The following ALG11 variants were observed in gnomAD, a reference collection of about 807,000 sequenced individuals.
ALG11 encodes ALG11 alpha-1,2-mannosyltransferase, also known as GDP-Man:Man(3)GlcNAc(2)-PP-Dol alpha-1,2-mannosyltransferase.
ALG11 carries 26 observed loss-of-function variants against 38.8 expected under a neutral mutation model. That is an observed-to-expected ratio of 0.67 (90% CI 0.49 to 0.93). The LOEUF is 0.93. Ranked by LOEUF, ALG11 falls within the 40% of genes least tolerant of loss-of-function variation. The probability of loss-of-function intolerance (pLI) is 0.00; values close to 1 mark genes in which losing one functional copy is unlikely to be tolerated. For synonymous variants in ALG11, 199 were observed against 211.6 expected, an observed-to-expected ratio of 0.94 and a Z score of 0.52; for missense variants, 535 against 578.8, an observed-to-expected ratio of 0.92 and a Z score of 0.78.
In ALG11 at chr13:52,028,882, C is replaced by T. The variant is rs769271364; in HGVS notation, c.*292C>T. 53 of 1,614,074 alleles carry T rather than the reference C, an allele frequency of 3.3e-5. No individual in the cohort carries two copies. The highest frequency in any genetic ancestry group is 4.5e-5 in the Non-Finnish European group (53 of 1,180,044). ...TAGTGGATTTGCCAAAAAACTACCC[C>T]TTGAGTGAAAATGAAGATGAGGGGG... On this transcript the variant is annotated 3_prime_UTR_variant, in exon 4 of 4. Transcript: ENST00000521508.
intron 1 of ALG11, among the ~76,000 whole-genome samples, chr13:52,013,816 C>T (rs912066552): frequency 6.6e-6 from 1 of 152,208 alleles, no homozygotes; most frequent in African/African-American, 2.4e-5. Flanking sequence ...CTCCATGGAC[C>T]ATGCAGGTCC....
rs1593899812 is a variant in ALG11, at chr13:52,018,957, C to T, written c.89C>T (p.Thr30Ile). The part of the protein sequence containing the change: ...LFFPGLIVCG[T>I]LCVCLVIVLW... ...TTCCCTGGGCTCATTGTATGTGGAA[C>T]TTTATGTGTGTGTTTGGTCATTGTC... The change falls in exon 2 of 4, where the codon ACT becomes ATT. Residue 30 changes from threonine to isoleucine, a missense_variant. By Grantham distance (89) the Thr-to-Ile change is moderately conservative. Coordinates refer to ENST00000521508, the MANE Select transcript of ALG11 (RefSeq NM_001004127.3). The T allele has an allele frequency of 6.2e-7, 1 of 1,613,696 alleles. No individual in the cohort carries two copies. The highest frequency in any genetic ancestry group is 8.5e-7 in the Non-Finnish European group (1 of 1,179,952).
chr13:52,012,408 G>C lies in ALG11; in HGVS notation c.-11G>C, dbSNP rs766313148. On this transcript the variant is annotated 5_prime_UTR_variant, in exon 1 of 4. Coordinates refer to ENST00000521508, the MANE Select transcript of ALG11 (RefSeq NM_001004127.3). ...AGTGAAGCGTTTCCTGAGTTCGGGG[G>C]TCGGCGGAAGATGGCGGCCGGCGAA... 6.2e-7 allele frequency: 1 copy of C among 1,614,184 alleles called. No individual in the cohort carries two copies. The highest frequency in any genetic ancestry group is 1.1e-5 in the South Asian group (1 of 91,082).
At position 52,024,764 on chromosome 13, in the gene ALG11, G is replaced by A. The variant is rs886050313; in HGVS notation, c.1034G>A (p.Cys345Tyr). 16 of 1,614,238 alleles carry A rather than the reference G, an allele frequency of 9.9e-6. No homozygotes were observed. In the East Asian group the frequency reaches 3.3e-4, roughly 34 times the overall value. The change falls in exon 3 of 4, where the codon TGT becomes TAT. Residue 345 changes from cysteine (C) to tyrosine (Y), a missense_variant. Physicochemically the swap from Cys to Tyr is radical, Grantham distance 194. Transcript: ENST00000521508. ...CTTAAACTTGTCCTCATTGGAGGTT[G>A]TCGTAACAAAGATGATGAACTTAGG... ...PSLKLVLIGG[C>Y]RNKDDELRVN...
chr13:52,030,698 G>C lies in ALG11; in HGVS notation c.*2108G>C. On this transcript the variant is annotated 3_prime_UTR_variant, in exon 4 of 4. Coordinates refer to ENST00000521508, the MANE Select transcript of ALG11 (RefSeq NM_001004127.3). ...GGACCTGACACTACCTGGCTGGGGC[G>C]AGTGGGGTGGTGTGGGCCTAAAGCC... The C allele has an allele frequency of 6.2e-7, 1 of 1,614,230 alleles. No homozygotes were observed. The highest frequency in any genetic ancestry group is 8.5e-7 in the Non-Finnish European group (1 of 1,180,030).
At chr13:52,025,017 G>A in intron 3 of ALG11, 80 bp downstream of exon 3, 1 of 1,449,834 alleles carries the variant, frequency 6.9e-7, no homozygotes, top group Non-Finnish European at 9.6e-7. Flanking sequence ...ATAATACTCT[G>A]GAAATCTGCA....
Position 52,030,569 on chromosome 13 carries a change from G to T in ALG11, c.*1979G>T, listed in dbSNP as rs1954291862. Reference sequence around the variant, plus strand: ...GGAGCTGGAAGATGAAGAGGAGAGAGACCAAAGGCAGATGATAAAGGAAGC... The same window carrying T: ...GGAGCTGGAAGATGAAGAGGAGAGATACCAAAGGCAGATGATAAAGGAAGC... On this transcript the variant is annotated 3_prime_UTR_variant, in exon 4 of 4. Transcript: ENST00000521508. The T allele has an allele frequency of 6.2e-7, 1 of 1,614,200 alleles. No homozygotes were observed.
rs1954327719 is a variant in ALG11 at position 52,033,555 on chromosome 13, AAAG to A, written c.*4971_*4973del. 6.0e-6 allele frequency: 1 copy of A among 167,062 alleles called. No homozygotes were observed. The highest frequency in any genetic ancestry group is 2.4e-5 in the African/African-American group (1 of 41,458). The allele number at this position is 167,062 out of a possible 1,614,324, so 10.3% of individuals were successfully genotyped here. A position where few individuals can be genotyped will look rare whatever the true frequency, so the allele number is the denominator to read the frequency against. On this transcript the variant is annotated 3_prime_UTR_variant, in exon 4 of 4. Transcript: ENST00000521508. ...TATTCCCAAGCTCCATATGCCAATTAAAGAAGAAACAAAAATAAAAGTTTGTCT... is the reference window on the plus strand; with the variant it reads ...TATTCCCAAGCTCCATATGCCAATTAAAGAAACAAAAATAAAAGTTTGTCT...
In ALG11 at chr13:52,031,132, A is replaced by G. The variant is rs537354895; in HGVS notation, c.*2542A>G. The G allele has an allele frequency of 9.0e-5, 142 of 1,579,298 alleles. 1 individual carries two copies. In the South Asian group the frequency reaches 1.6e-3, roughly 17 times the overall value. On this transcript the variant is annotated 3_prime_UTR_variant, in exon 4 of 4. Coordinates refer to ENST00000521508, the MANE Select transcript of ALG11 (RefSeq NM_001004127.3). ...TTGTGTAGCTGGAGAAGTGACAGTCAGGGGCCCTGATTCCACTTCCTTTGG... is the reference window on the plus strand; with the variant it reads ...TTGTGTAGCTGGAGAAGTGACAGTCGGGGGCCCTGATTCCACTTCCTTTGG...
Position 52,012,437 on chromosome 13 carries a change from AGCT to A in ALG11, c.21_23del (p.Ser7_Trp8delinsArg). ...GCGGAAGATGGCGGCCGGCGAAAGGAGCTGGTGCCTGTGCAAGTTGTTGAGGTG... is the reference window on the plus strand; with the variant it reads ...GCGGAAGATGGCGGCCGGCGAAAGGAGGTGCCTGTGCAAGTTGTTGAGGTG... On this transcript the variant is annotated inframe_deletion, in exon 1 of 4. Coordinates refer to ENST00000521508, the MANE Select transcript of ALG11 (RefSeq NM_001004127.3). 6.2e-7 allele frequency: 1 copy of A among 1,614,014 alleles called. No homozygotes were observed. The highest frequency in any genetic ancestry group is 8.5e-7 in the Non-Finnish European group (1 of 1,180,042).
rs575617334 is a variant in ALG11 at position 52,029,570 on chromosome 13, A to G, written c.*980A>G. On this transcript the variant is annotated 3_prime_UTR_variant, in exon 4 of 4. Coordinates refer to ENST00000521508, the MANE Select transcript of ALG11 (RefSeq NM_001004127.3). ...AAGTAAAAAGTATCACAAAGTCGTG[A>G]AGAAAGGAAAGGCCAAGAAAGCCTT... 2 of 1,614,226 alleles carry G rather than the reference A, an allele frequency of 1.2e-6. No individual in the cohort carries two copies. Among genetic ancestry groups the G allele is most frequent in the South Asian group, 2.2e-5 (2 of 91,084 alleles).
chr13:52,014,937 T>C (rs766346053), intron 1 of ALG11, among the ~76,000 whole-genome samples: 2 of 152,192 alleles, frequency 1.3e-5, no homozygotes, highest in African/African-American at 2.4e-5. Context: ...GACCAATTAT[T>C]TCAGCTTTGA....
At chr13:52,012,721 G>C (rs1386399019) in intron 1 of ALG11, among the ~76,000 whole-genome samples, 1 of 151,880 alleles carries the variant, frequency 6.6e-6, no homozygotes, top group Admixed American at 6.6e-5. Flanking sequence ...CCCTGCTTCA[G>C]CTTTTTTTTT....
rs759590601 is a variant in ALG11, at chr13:52,024,670, A to G, written c.940A>G (p.Asn314Asp). The part of the protein sequence containing the change: ...VSVGQFRPEK[N>D]HPLQIRAFAK... ...TGTTGGCCAGTTTAGGCCGGAAAAG[A>G]ATCATCCATTGCAGATCAGAGCCTT... The change falls in exon 3 of 4, where the codon AAT becomes GAT. Residue 314 changes from asparagine to aspartate, a missense_variant. By Grantham distance (23) the Asn-to-Asp change is conservative. Coordinates refer to ENST00000521508, the MANE Select transcript of ALG11 (RefSeq NM_001004127.3). The G allele has an allele frequency of 6.2e-7, 1 of 1,614,148 alleles. No homozygotes were observed. Among genetic ancestry groups the G allele is most frequent in the Non-Finnish European group, 8.5e-7 (1 of 1,180,010 alleles).
rs376289077 is a variant in ALG11, at chr13:52,031,128, A to G, written c.*2538A>G. The G allele has an allele frequency of 1.9e-6, 3 of 1,583,832 alleles. No individual in the cohort carries two copies. Among genetic ancestry groups the G allele is most frequent in the Non-Finnish European group, 1.7e-6 (2 of 1,164,970 alleles). ...TAGGTTGTGTAGCTGGAGAAGTGAC[A>G]GTCAGGGGCCCTGATTCCACTTCCT... On this transcript the variant is annotated 3_prime_UTR_variant, in exon 4 of 4. Coordinates refer to ENST00000521508, the MANE Select transcript of ALG11 (RefSeq NM_001004127.3).
Position 52,024,029 on chromosome 13 carries a change from T to C in ALG11, c.299T>C (p.Val100Ala), listed in dbSNP as rs1192112320. ...QKKYPEAVYV[V>A]YTGDVNVNGQ... ...AGGTATCCTGAAGCAGTTTATGTTG[T>C]TTATACCGGCGATGTTAATGTCAAC... The change falls in exon 3 of 4, where the codon GTT becomes GCT. Residue 100 changes from valine to alanine, a missense_variant. By Grantham distance (64) the Val-to-Ala change is moderately conservative. Coordinates refer to ENST00000521508, the MANE Select transcript of ALG11 (RefSeq NM_001004127.3). The C allele has an allele frequency of 9.3e-6, 15 of 1,614,032 alleles. No individual in the cohort carries two copies. The highest frequency in any genetic ancestry group is 5.0e-5 in the Admixed American group (3 of 60,002).
intron 1 of ALG11, chr13:52,015,886 G>C (rs1453819349): frequency 6.6e-6 from 1 of 152,520 alleles, no homozygotes; most frequent in South Asian, 2.1e-4. Context: ...ATGTGGAAGC[G>C]ACTTTGGAAC....
In ALG11 at chr13:52,033,046, T is replaced by G. The variant is rs895513109; in HGVS notation, c.*4456T>G. ...GAATTCCGTAAATTATATTTTAAGCTTATTTCTTCAAAATTATTTTCATAT... is the reference window on the plus strand; with the variant it reads ...GAATTCCGTAAATTATATTTTAAGCGTATTTCTTCAAAATTATTTTCATAT... On this transcript the variant is annotated 3_prime_UTR_variant, in exon 4 of 4. Transcript: ENST00000521508. 3.0e-5 allele frequency: 5 copies of G among 167,102 alleles called. No individual in the cohort carries two copies. Among genetic ancestry groups the G allele is most frequent in the African/African-American group, 4.8e-5 (2 of 41,456 alleles). 10.4% of individuals were successfully genotyped at this position (167,102 alleles called of 1,614,324 possible). A position where few individuals can be genotyped will look rare whatever the true frequency, so the allele number is the denominator to read the frequency against.
chr13:52,023,852 T>C, intron 2 of ALG11, 154 bp from the exon 3 acceptor site: 1 of 430,340 alleles, frequency 2.3e-6, no homozygotes, highest in Non-Finnish European at 4.2e-6. Flanking sequence ...TGGAGTTCGG[T>C]GGCATGATCA....
Sources: allele counts gnomAD v4.1 joint callset (sites outside exome capture counted in the v4.1 genomes callset), GRCh38; gene constraint gnomAD v4.1.1; transcripts MANE v1.5; gene names NCBI Gene and HGNC (gene_info 2026-07-23, HGNC 2026-07-21).